Variants in LIFR observed in about 807,000 individuals in gnomAD.
LIFR encodes leukemia inhibitory factor receptor.
In LIFR, 84 loss-of-function variants were observed where a neutral mutation model predicts 122.2. That is an observed-to-expected ratio of 0.69 (90% CI 0.58 to 0.82). The LOEUF (loss-of-function observed/expected upper bound fraction) is 0.82, where lower values mean the gene tolerates loss of function less well. Ranked by LOEUF, LIFR falls within the 40% of genes least tolerant of loss-of-function variation. The pLI is 0.00. For synonymous variants in LIFR, 422 were observed against 434.7 expected, an observed-to-expected ratio of 0.97 and a Z score of 0.36; for missense variants, 1,294 against 1,311.6, an observed-to-expected ratio of 0.99 and a Z score of 0.21.
In LIFR at chr5:38,481,544, T is replaced by C; in HGVS notation, c.*51A>G. 2 of 1,581,158 alleles carry C rather than the reference T, an allele frequency of 1.3e-6. No individual in the cohort carries two copies. Among genetic ancestry groups the C allele is most frequent in the South Asian group, 1.1e-5 (1 of 90,148 alleles). On this transcript the variant is annotated 3_prime_UTR_variant, in exon 20 of 20. Transcript: ENST00000453190. Reference sequence around the variant, plus strand: ...ATGCCCAGTGCTGATGTAGCAACACTAGCAGTAAGAGCTTATTGAGATGGC... The same window carrying C: ...ATGCCCAGTGCTGATGTAGCAACACCAGCAGTAAGAGCTTATTGAGATGGC...
intron 1 of LIFR, among the ~76,000 whole-genome samples, chr5:38,593,476 A>T (rs770866543): frequency 2.0e-5 from 3 of 152,204 alleles, no homozygotes; most frequent in Non-Finnish European, 2.9e-5. Flanking sequence ...ACATGCAGCT[A>T]GTGGCTATTA....
chr5:38,564,160 G>C (rs981595008), intron 1 of LIFR, among the ~76,000 whole-genome samples: 1 of 151,902 alleles, frequency 6.6e-6, no homozygotes, highest in Non-Finnish European at 1.5e-5. Context: ...GGTGTTGTTT[G>C]AGTGCAGAAT....
intron 1 of LIFR, among the ~76,000 whole-genome samples, chr5:38,547,344 C>A (rs886903394): frequency 6.6e-6 from 1 of 152,120 alleles, no homozygotes; most frequent in Non-Finnish European, 1.5e-5. Flanking sequence ...CTAACTTACA[C>A]CCTCTCAAAA....
intron 19 of LIFR, 86 bp from the exon 20 acceptor site, chr5:38,482,304 C>G (rs1215859679): frequency 7.5e-7 from 1 of 1,328,972 alleles, no homozygotes; most frequent in Non-Finnish European, 1.0e-6. Flanking sequence ...ACATTTTTCC[C>G]CAATCTGCTT....
At position 38,528,771 on chromosome 5, in the gene LIFR, G is replaced by C. The variant is rs978463404; in HGVS notation, c.212C>G (p.Ser71Cys). ...ATAATCAGTACCACGGCCTGTTCCA[G>C]AGGGTGCTTTCCAAGAACAGTTCCA... ...QVWNCSWKAP[S>C]GTGRGTDYEV... Residue 71 changes from serine (S) to cysteine (C), a missense_variant, in exon 3 of 20, where the codon TCT becomes TGT. Physicochemically the swap from Ser to Cys is moderately radical, Grantham distance 112. Transcript: ENST00000453190. 1.3e-6 allele frequency: 2 copies of C among 1,599,098 alleles called. No homozygotes were observed. Among genetic ancestry groups the C allele is most frequent in the Non-Finnish European group, 1.7e-6 (2 of 1,171,622 alleles).
rs149448061 is a variant in LIFR at position 38,494,783 on chromosome 5, G to T, written c.1886-998C>A. 6.2e-3 allele frequency among the ~76,000 whole-genome samples: 950 copies of T among 152,310 alleles called. 4 individuals carry two copies. Among genetic ancestry groups the T allele is most frequent in the Non-Finnish European group, 0.01 (683 of 68,016 alleles). ...GCTCAGGAGCCTGCAAACTGCAGGT[G>T]AGCGGCCCTTGACGGGATGCAGCCA... On this transcript the variant is annotated intron_variant, in intron 13 of 19. Transcript: ENST00000453190.
In LIFR at chr5:38,510,623, A is replaced by C. The variant is rs1363980214; in HGVS notation, c.832T>G (p.Leu278Val). 6.2e-7 allele frequency: 1 copy of C among 1,614,092 alleles called. No individual in the cohort carries two copies. Among genetic ancestry groups the C allele is most frequent in the Admixed American group, 1.7e-5 (1 of 60,028 alleles). The change falls in exon 7 of 20, where the codon TTA becomes GTA. Residue 278 changes from leucine (L) to valine (V), a missense_variant. By Grantham distance (32) the Leu-to-Val change is conservative. Transcript: ENST00000453190. ...TTTGTATGGCCAATCAGTGCTGATA[A>C]CACTTTTTCTTGACTCACACAACAA... ...TFCCVSQEKV[L>V]SALIGHTNCP... is the part of the protein sequence containing the mutation.
At chr5:38,498,141 A>G (rs961735755) in intron 12 of LIFR, among the ~76,000 whole-genome samples, 18 of 152,184 alleles carry the variant, frequency 1.2e-4, no homozygotes, top group African/African-American at 4.3e-4. Flanking sequence ...GCTCCAGCAG[A>G]GGTCTCTGTG....
At chr5:38,526,441 GTATATATA>G (rs749550234) in intron 4 of LIFR, among the ~76,000 whole-genome samples, 8 of 134,484 alleles carry the variant, frequency 5.9e-5, no homozygotes, top group Non-Finnish European at 1.1e-4. Context: ...GTGTGTGTGT[GTATATATA>G]TATATATAAA....
At chr5:38,520,281 T>C (rs62355815) in intron 5 of LIFR, among the ~76,000 whole-genome samples, 10,827 of 152,248 alleles carry the variant, frequency 0.071, 522 homozygotes, top group East Asian at 0.26. Flanking sequence ...GAAATGTCTA[T>C]TCATGTCCTT....
chr5:38,501,890 T>C (rs757048679), intron 11 of LIFR, among the ~76,000 whole-genome samples: 3 of 151,854 alleles, frequency 2.0e-5, no homozygotes, highest in Non-Finnish European at 4.4e-5. Flanking sequence ...GACCTGGGTA[T>C]ACTACAGAAA....
At chr5:38,501,746 A>T (rs1164845590) in intron 11 of LIFR, among the ~76,000 whole-genome samples, 3 of 152,126 alleles carry the variant, frequency 2.0e-5, no homozygotes, top group Admixed American at 1.3e-4. Flanking sequence ...GTCTCAAAAA[A>T]ATAAAAAATT....
chr5:38,500,679 C>A (rs919858666), intron 11 of LIFR, among the ~76,000 whole-genome samples: 1 of 152,110 alleles, frequency 6.6e-6, no homozygotes, highest in African/African-American at 2.4e-5. Flanking sequence ...TAAATTGATG[C>A]CTTCATCTTA....
intron 1 of LIFR, among the ~76,000 whole-genome samples, chr5:38,587,179 C>T (rs964123207): frequency 1.5e-4 from 23 of 152,034 alleles, no homozygotes; most frequent in African/African-American, 5.6e-4. Context: ...CCACCCCAGC[C>T]CTCTACAAAC....
At chr5:38,577,494 G>A (rs1580219135) in intron 1 of LIFR, among the ~76,000 whole-genome samples, 1 of 152,020 alleles carries the variant, frequency 6.6e-6, no homozygotes, top group South Asian at 2.1e-4. Context: ...TGCCTGCCTA[G>A]TCTTCCTCCC....
Position 38,489,321 on chromosome 5 carries a change from C to G in LIFR, c.2168-76G>C, listed in dbSNP as rs1744450196. 3 of 1,131,702 alleles carry G rather than the reference C, an allele frequency of 2.7e-6. No individual in the cohort carries two copies. In the Admixed American group the frequency reaches 5.5e-5, roughly 21 times the overall value. 70.1% of individuals were successfully genotyped at this position (1,131,702 alleles called of 1,614,324 possible). Reference sequence around the variant, plus strand: ...AATACAGTAATGTTTCCTGAGCTTTCTAGCCTCAAAAATAATTCAACTTGG... The same window carrying G: ...AATACAGTAATGTTTCCTGAGCTTTGTAGCCTCAAAAATAATTCAACTTGG... On this transcript the variant is annotated intron_variant, in intron 15 of 19. Transcript: ENST00000453190.
intron 1 of LIFR, among the ~76,000 whole-genome samples, chr5:38,556,110 G>C (rs1041625096): frequency 6.6e-6 from 1 of 152,176 alleles, no homozygotes; most frequent in Non-Finnish European, 1.5e-5. Flanking sequence ...GCGTGGGGCA[G>C]AAGTTCTGGG....
At chr5:38,550,244 T>A (rs1297852204) in intron 1 of LIFR, 4 of 976,204 alleles carry the variant, frequency 4.1e-6, no homozygotes, top group East Asian at 1.1e-4. Flanking sequence ...AACAATCATA[T>A]CCCCATATGG....
At chr5:38,519,551 T>C (rs1746290620) in intron 5 of LIFR, among the ~76,000 whole-genome samples, 1 of 152,136 alleles carries the variant, frequency 6.6e-6, no homozygotes. Flanking sequence ...ACACAGAACT[T>C]ATATCTTCTA....
Sources: allele counts gnomAD v4.1 joint callset (sites outside exome capture counted in the v4.1 genomes callset), GRCh38; gene constraint gnomAD v4.1.1; transcripts MANE v1.5; gene names NCBI Gene and HGNC (gene_info 2026-07-23, HGNC 2026-07-21).